Variants in CDH12 observed in about 807,000 individuals in gnomAD.
CDH12 encodes cadherin-12.
A neutral mutation model predicts 74.1 loss-of-function variants in CDH12; 41 were observed. That is an observed-to-expected ratio of 0.55 (90% CI 0.43 to 0.72). The LOEUF (loss-of-function observed/expected upper bound fraction) is 0.72, where lower values mean the gene tolerates loss of function less well. Among genes scored for constraint, CDH12 ranks in the 30% least tolerant of loss-of-function variants. CDH12 has a pLI of 0.00. For missense variants in CDH12, 945 were observed against 977.2 expected (o/e 0.97, Z 0.44); for synonymous variants, 399 against 355.0 (o/e 1.12, Z -1.39).
At chr5:22,319,713 G>C (rs186156903) in intron 3 of CDH12, among the ~76,000 whole-genome samples, 1 of 151,912 alleles carries the variant, frequency 6.6e-6, no homozygotes, top group Non-Finnish European at 1.5e-5. Context: ...TTTCATATTT[G>C]TTTATTACAG....
intron 1 of CDH12, among the ~76,000 whole-genome samples, chr5:22,558,174 G>GGTGTCT (rs1309079188): frequency 6.6e-6 from 1 of 151,946 alleles, no homozygotes; most frequent in Non-Finnish European, 1.5e-5. Flanking sequence ...AACCAGAGAA[G>GGTGTCT]GTGTCTGAAT....
chr5:22,740,477 C>T (rs765626515), intron 1 of CDH12, among the ~76,000 whole-genome samples: 8 of 151,640 alleles, frequency 5.3e-5, no homozygotes, highest in African/African-American at 1.2e-4. Context: ...AAGGCTACTG[C>T]TTATGATTCC....
At chr5:22,093,189 C>G (rs1463593780) in intron 4 of CDH12, among the ~76,000 whole-genome samples, 1 of 152,182 alleles carries the variant, frequency 6.6e-6, no homozygotes, top group African/African-American at 2.4e-5. Flanking sequence ...TCTAGCTTAT[C>G]TATTACTAGC....
At position 21,786,104 on chromosome 5, in the gene CDH12, C is replaced by A. The variant is rs139000145; in HGVS notation, c.1257-2610G>T. Among the ~76,000 whole-genome samples, 650 of 152,246 alleles carry A rather than the reference C, an allele frequency of 4.3e-3. 5 individuals carry two copies. The highest frequency in any genetic ancestry group is 0.015 in the African/African-American group (624 of 41,544). On this transcript the variant is annotated intron_variant, in intron 10 of 14. Transcript: ENST00000382254. The stretch of plus-strand genomic sequence containing the variant: ...TAAATCTACTCTGCCTGTTGTCTTA[C>A]AAATGGAACAACAAAGCCTGGATGA...
intron 1 of CDH12, among the ~76,000 whole-genome samples, chr5:22,688,892 A>G (rs1741944059): frequency 6.6e-6 from 1 of 152,182 alleles, no homozygotes; most frequent in Non-Finnish European, 1.5e-5. Flanking sequence ...GGAAGAGAGT[A>G]TTTTGAATGA....
chr5:21,881,173 CTT>C (rs1561269537), intron 6 of CDH12, among the ~76,000 whole-genome samples: 1 of 151,998 alleles, frequency 6.6e-6, no homozygotes, highest in Non-Finnish European at 1.5e-5. Flanking sequence ...ATTCTAAAAA[CTT>C]TATTTTATAT....
intron 4 of CDH12, among the ~76,000 whole-genome samples, chr5:22,188,714 G>A (rs995805880): frequency 2.0e-5 from 3 of 152,106 alleles, no homozygotes; most frequent in African/African-American, 7.2e-5. Flanking sequence ...TGGAGCTAGG[G>A]ATGTTTCATT....
intron 1 of CDH12, among the ~76,000 whole-genome samples, chr5:22,763,315 A>G (rs1746319876): frequency 6.6e-6 from 1 of 152,010 alleles, no homozygotes; most frequent in Admixed American, 6.6e-5. Context: ...TTGTTCAGAT[A>G]ACAAAATTGA....
intron 10 of CDH12, among the ~76,000 whole-genome samples, chr5:21,793,036 G>A (rs929781878): frequency 4.6e-5 from 7 of 151,710 alleles, no homozygotes; most frequent in African/African-American, 1.7e-4. Flanking sequence ...GACTTCAGAA[G>A]TCCCTTATTT....
intron 1 of CDH12, among the ~76,000 whole-genome samples, chr5:22,544,099 C>T (rs1335265722): frequency 6.6e-6 from 1 of 152,008 alleles, no homozygotes; most frequent in Non-Finnish European, 1.5e-5. Context: ...ATCTCTACAG[C>T]CTTTCATCCA....
At chr5:22,818,542 G>A (rs1041718747) in intron 1 of CDH12, among the ~76,000 whole-genome samples, 5 of 152,082 alleles carry the variant, frequency 3.3e-5, no homozygotes, top group African/African-American at 1.2e-4. Flanking sequence ...CAAGATGGTG[G>A]CATGAAGAGG....
chr5:22,696,817 A>G (rs566604829), intron 1 of CDH12, among the ~76,000 whole-genome samples: 2 of 152,274 alleles, frequency 1.3e-5, no homozygotes, highest in South Asian at 4.1e-4. Flanking sequence ...ACAGTGCTTT[A>G]TGGAATATTC....
intron 11 of CDH12, among the ~76,000 whole-genome samples, chr5:21,778,466 C>CAAAAAAAAAAAAAAAAAAA (rs70957061): frequency 9.5e-5 from 5 of 52,616 alleles, no homozygotes; most frequent in Non-Finnish European, 1.6e-4. Context: ...GCATATAAGC[C>CAAAAAAAAAAAAAAAAAAA]AAAAAAAAAA....
In CDH12 at chr5:22,684,463, C is replaced by G. The variant is rs189547343; in HGVS notation, c.-523+168595G>C. 2.9e-4 allele frequency among the ~76,000 whole-genome samples: 44 copies of G among 152,288 alleles called. No individual in the cohort carries two copies. In the East Asian group the frequency reaches 4.8e-3, roughly 17 times the overall value. ...TATTTGTGAGTTAAAAGGTGAGGAT[C>G]TAGATATACACTGATTGTGAGCACA... On this transcript the variant is annotated intron_variant, in intron 1 of 14. Coordinates refer to ENST00000382254, the MANE Select transcript of CDH12 (RefSeq NM_004061.5).
At chr5:22,396,182 T>A (rs961946483) in intron 3 of CDH12, among the ~76,000 whole-genome samples, 2 of 152,066 alleles carry the variant, frequency 1.3e-5, no homozygotes, top group African/African-American at 4.8e-5. Flanking sequence ...ATAAGAACCA[T>A]GTAAATATTA....
chr5:21,909,960 A>G (rs1002979580), intron 6 of CDH12, among the ~76,000 whole-genome samples: 9 of 152,150 alleles, frequency 5.9e-5, no homozygotes, highest in African/African-American at 1.4e-4. Flanking sequence ...TCCAAATGCT[A>G]TGGAGGTCAT....
chr5:22,585,276 G>A (rs72637708), intron 1 of CDH12, among the ~76,000 whole-genome samples: 9,093 of 152,102 alleles, frequency 0.06, 399 homozygotes, highest in East Asian at 0.22. Context: ...CAGCGTAACC[G>A]CCACTTGCTT....
chr5:22,135,453 T>C (rs1746410395), intron 4 of CDH12, among the ~76,000 whole-genome samples: 1 of 152,018 alleles, frequency 6.6e-6, no homozygotes, highest in South Asian at 2.1e-4. Context: ...TCATATTTCA[T>C]AAGAGATTTT....
At chr5:21,812,934 T>A (rs1342927021) in intron 9 of CDH12, among the ~76,000 whole-genome samples, 4 of 152,164 alleles carry the variant, frequency 2.6e-5, no homozygotes, top group African/African-American at 4.8e-5. Context: ...TGTGTTTTAT[T>A]AGGCTCTGAA....
Sources: allele counts gnomAD v4.1 joint callset (sites outside exome capture counted in the v4.1 genomes callset), GRCh38; gene constraint gnomAD v4.1.1; transcripts MANE v1.5; gene names NCBI Gene and HGNC (gene_info 2026-07-23, HGNC 2026-07-21).